ZFAND4: variants seen among roughly 807,000 people sequenced by gnomAD.
ZFAND4 encodes the protein zinc finger AN1-type containing 4, also known as AN1-type zinc finger protein 4.
ZFAND4 carries 43 observed loss-of-function variants against 64.4 expected under a neutral mutation model. The ratio of observed to expected loss-of-function variants is 0.67; its 90% CI spans 0.52 to 0.86. The LOEUF (loss-of-function observed/expected upper bound fraction) is 0.86. Ranked by LOEUF, ZFAND4 falls within the 40% of genes least tolerant of loss-of-function variation. The pLI, the probability that ZFAND4 is intolerant of heterozygous loss-of-function variation, is 0.00. For missense variants in ZFAND4, 929 were observed against 859.8 expected (o/e 1.08, Z -1.01); for synonymous variants, 296 against 305.7 (o/e 0.97, Z 0.33).
At chr10:45,629,771 G>A (rs924290742) in intron 6 of ZFAND4, among the ~76,000 whole-genome samples, 2 of 152,156 alleles carry the variant, frequency 1.3e-5, no homozygotes, top group African/African-American at 4.8e-5. Flanking sequence ...GCTGAGGTGG[G>A]AGGATCGCTT....
At chr10:45,669,305 CA>C (rs773954377) in intron 1 of ZFAND4, among the ~76,000 whole-genome samples, 2 of 152,178 alleles carry the variant, frequency 1.3e-5, no homozygotes, top group Non-Finnish European at 1.5e-5. Flanking sequence ...TTCCTGGACA[CA>C]TATACCTTCC....
At chr10:45,665,825 T>C (rs999890533) in intron 1 of ZFAND4, among the ~76,000 whole-genome samples, 7 of 152,230 alleles carry the variant, frequency 4.6e-5, no homozygotes, top group African/African-American at 1.7e-4. Context: ...TCATATATGA[T>C]TTTTTTGTGA....
intron 6 of ZFAND4, among the ~76,000 whole-genome samples, chr10:45,628,804 T>G (rs1290857439): frequency 6.7e-6 from 1 of 148,896 alleles, no homozygotes; most frequent in Non-Finnish European, 1.5e-5. Flanking sequence ...TGATATGAAC[T>G]TCAAAATATT....
rs140742253 is a variant in ZFAND4 at position 45,626,999 on chromosome 10, A to T, written c.824T>A (p.Ile275Asn). ...AAAAGCAGGTGAACAAGATTGACCA[A>T]TGTTGGGGAGGACCCTTAACAATCG... ...RHRLLRVLPN[I>N]GQSCSPAFGN... is the part of the protein sequence containing the mutation. The change falls in exon 7 of 10, where the codon ATT becomes AAT. Residue 275 changes from isoleucine (I) to asparagine (N), a missense_variant. Ile to Asn is a moderately radical substitution (Grantham distance 149). Coordinates refer to ENST00000344646, the MANE Select transcript of ZFAND4 (RefSeq NM_174890.4). The T allele has an allele frequency of 4.1e-4, 658 of 1,613,558 alleles. 8 individuals carry two copies. In the East Asian group the frequency reaches 0.013, roughly 32 times the overall value.
intron 8 of ZFAND4, among the ~76,000 whole-genome samples, chr10:45,619,211 T>C (rs1564543114): frequency 6.6e-6 from 1 of 152,008 alleles, no homozygotes; most frequent in Non-Finnish European, 1.5e-5. Flanking sequence ...GCTTTTTTTT[T>C]TGTATTTTTA....
At chr10:45,624,440 A>T (rs924386021) in intron 8 of ZFAND4, 143 bp downstream of exon 8, 1 of 650,120 alleles carries the variant, frequency 1.5e-6, no homozygotes, top group Non-Finnish European at 2.6e-6. Flanking sequence ...AATTATTCTT[A>T]ATTGGAAAAA....
At position 45,648,412 on chromosome 10, in the gene ZFAND4, A is replaced by G. The variant is rs777971120; in HGVS notation, c.451T>C (p.Leu151=). Residue 151 remains leucine (L), a synonymous_variant, in exon 5 of 10, where the codon TTG becomes CTG. Transcript: ENST00000344646. ...TFLVYQEGDQ[L]NFFPAVDRGD... is the part of the protein sequence containing the mutation. The stretch of plus-strand genomic sequence containing the variant: ...CTATCTACTGCAGGAAAGAAATTCA[A>G]TTGATCTCCTTCTTGGTATACCAAA... 15 of 1,613,950 alleles carry G rather than the reference A, an allele frequency of 9.3e-6. No homozygotes were observed. In the Admixed American group the frequency reaches 1.3e-4, roughly 14 times the overall value.
At chr10:45,618,709 C>T (rs78187804) in intron 8 of ZFAND4, among the ~76,000 whole-genome samples, 3,306 of 152,302 alleles carry the variant, frequency 0.022, 51 homozygotes, top group East Asian at 0.1. Flanking sequence ...TATTACACCA[C>T]TGACAGTTCA....
At chr10:45,645,665 T>C in intron 5 of ZFAND4, among the ~76,000 whole-genome samples, 1 of 152,186 alleles carries the variant, frequency 6.6e-6, no homozygotes, top group African/African-American at 2.4e-5. Flanking sequence ...AGTGTTTGAA[T>C]TACACGTAAC....
intron 6 of ZFAND4, among the ~76,000 whole-genome samples, chr10:45,633,915 C>T (rs1470269301): frequency 7.4e-5 from 11 of 148,132 alleles, no homozygotes; most frequent in African/African-American, 2.4e-4. Flanking sequence ...AACATTACAA[C>T]GAAATGCAAT....
rs2047209439 is a variant in ZFAND4 at position 45,644,060 on chromosome 10, G to A, written c.570-4097C>T. ...TGCTTTTGCCTACAATGGCAGAGTTGAGTAGCTATGACAGACTTTATGTGG... is the reference window on the plus strand; with the variant it reads ...TGCTTTTGCCTACAATGGCAGAGTTAAGTAGCTATGACAGACTTTATGTGG... On this transcript the variant is annotated intron_variant, in intron 5 of 9. Transcript: ENST00000344646. Among the ~76,000 whole-genome samples the A allele has an allele frequency of 2.6e-5, 4 of 152,222 alleles. No individual in the cohort carries two copies. The South Asian group carries it at 8.3e-4, about 31-fold the overall frequency.
At chr10:45,652,472 TA>T (rs549182511) in intron 3 of ZFAND4, among the ~76,000 whole-genome samples, 54 of 152,298 alleles carry the variant, frequency 3.5e-4, no homozygotes, top group Admixed American at 2.7e-3. Flanking sequence ...ACTCTTTTCT[TA>T]ACAAAAGAGT....
intron 5 of ZFAND4, among the ~76,000 whole-genome samples, chr10:45,643,669 C>CAAAAAAAAAAAAAAAAAAA (rs755281191): frequency 1.8e-5 from 1 of 56,070 alleles, no homozygotes. Context: ...GACTCCATCT[C>CAAAAAAAAAAAAAAAAAAA]AAAAAAAAAA....
At chr10:45,630,961 TAA>T (rs1378126279) in intron 6 of ZFAND4, among the ~76,000 whole-genome samples, 52 of 123,490 alleles carry the variant, frequency 4.2e-4, no homozygotes, top group Non-Finnish European at 4.3e-4. Flanking sequence ...ACCCTGTCTT[TAA>T]AAAAAAAAAA....
rs1156835578 is a variant in ZFAND4, at chr10:45,663,791, C to G, written c.-66G>C. ...AACTGTATTCCAGTTCTAGGCAAAC[C>G]AGGTTTGAAGATTGGTAATATATAT... is the stretch of plus-strand genomic sequence containing the variant. On this transcript the variant is annotated 5_prime_UTR_variant, in exon 2 of 10. Coordinates refer to ENST00000344646, the MANE Select transcript of ZFAND4 (RefSeq NM_174890.4). 1 of 1,393,320 alleles carries G rather than the reference C, an allele frequency of 7.2e-7. No individual in the cohort carries two copies. The highest frequency in any genetic ancestry group is 9.7e-7 in the Non-Finnish European group (1 of 1,035,132). 86.3% of individuals were successfully genotyped at this position (1,393,320 alleles called of 1,614,324 possible).
intron 2 of ZFAND4, chr10:45,662,785 G>T: frequency 5.1e-6 from 2 of 395,422 alleles, no homozygotes; most frequent in Non-Finnish European, 6.9e-6. Context: ...ACTTAAACCA[G>T]CTGGAGGGCA....
At chr10:45,643,734 A>G (rs547033664) in intron 5 of ZFAND4, among the ~76,000 whole-genome samples, 2 of 151,976 alleles carry the variant, frequency 1.3e-5, no homozygotes, top group Non-Finnish European at 2.9e-5. Context: ...ATTTGAGACT[A>G]AAAAAAGACT....
In ZFAND4 at chr10:45,615,552, T is replaced by C. The variant is rs2044895488; in HGVS notation, c.*884A>G. 6.6e-6 allele frequency: 1 copy of C among 151,960 alleles called. No individual in the cohort carries two copies. Among genetic ancestry groups the C allele is most frequent in the Non-Finnish European group, 1.5e-5 (1 of 67,998 alleles). The allele number at this position is 151,960 out of a possible 1,614,324, so 9.4% of individuals were successfully genotyped here. On this transcript the variant is annotated 3_prime_UTR_variant, in exon 10 of 10. Transcript: ENST00000344646. The stretch of plus-strand genomic sequence containing the variant: ...TTAAATAGTTTTATAAAAGAAAAAT[T>C]ATTTATAAAAGAAAAACTATTATAA...
chr10:45,624,442 T>C, intron 8 of ZFAND4, 141 bp downstream of exon 8: 2 of 659,734 alleles, frequency 3.0e-6, no homozygotes. Flanking sequence ...TTATTCTTAA[T>C]TGGAAAAAGC....
Sources: gnomAD v4.1 joint callset for allele counts (sites outside exome capture counted in the v4.1 genomes callset) on GRCh38, gnomAD v4.1.1 for gene constraint, MANE v1.5 for transcripts, NCBI Gene and HGNC (gene_info 2026-07-23, HGNC 2026-07-21) for gene names.